TTC29: variants seen among roughly 807,000 people sequenced by gnomAD.
TTC29 encodes tetratricopeptide repeat domain 29, also known as tetratricopeptide repeat protein 29.
A neutral mutation model predicts 58.1 loss-of-function variants in TTC29; 49 were observed. The ratio of observed to expected loss-of-function variants is 0.84; its 90% confidence interval spans 0.67 to 1.07. The LOEUF is 1.07. Ranked by LOEUF, TTC29 falls within the 50% of genes least tolerant of loss-of-function variation. The pLI is 0.00. For synonymous variants in TTC29, 209 were observed against 196.8 expected (o/e 1.06, Z -0.52); for missense variants, 582 against 555.6 (o/e 1.05, Z -0.48).
At chr4:146,799,879 T>C (rs933748484) in intron 11 of TTC29, among the ~76,000 whole-genome samples, 2 of 152,196 alleles carry the variant, frequency 1.3e-5, no homozygotes, top group Non-Finnish European at 2.9e-5. Flanking sequence ...GTCTGAGATC[T>C]CCAAAAGGCC....
intron 9 of TTC29, among the ~76,000 whole-genome samples, chr4:146,830,914 T>G (rs1168829781): frequency 2.0e-5 from 3 of 152,220 alleles, no homozygotes; most frequent in Non-Finnish European, 2.9e-5. Context: ...TTAATAATGC[T>G]TTGCGCTATT....
intron 11 of TTC29, among the ~76,000 whole-genome samples, chr4:146,778,976 C>CAAAAAAAAAAAAA (rs369374851): frequency 1.7e-3 from 49 of 28,544 alleles, no homozygotes; most frequent in Admixed American, 2.5e-3. Flanking sequence ...CCTAAATAAG[C>CAAAAAAAAAAAAA]AAAAAAAAAA....
intron 8 of TTC29, among the ~76,000 whole-genome samples, chr4:146,849,311 T>C (rs1729367923): frequency 6.6e-6 from 1 of 152,084 alleles, no homozygotes; most frequent in African/African-American, 2.4e-5. Context: ...AGTGAATTGG[T>C]GAAGGAGAAA....
At chr4:146,802,753 A>G (rs1750322373) in intron 11 of TTC29, among the ~76,000 whole-genome samples, 1 of 152,202 alleles carries the variant, frequency 6.6e-6, no homozygotes. Context: ...TTTGATTTGC[A>G]CACAAATAAA....
chr4:146,748,368 G>A (rs1745703871), intron 11 of TTC29, among the ~76,000 whole-genome samples: 1 of 152,122 alleles, frequency 6.6e-6, no homozygotes, highest in African/African-American at 2.4e-5. Context: ...AGTTCCAGAT[G>A]CTACAGTAGT....
At chr4:146,740,529 C>T (rs1289724166) in intron 11 of TTC29, among the ~76,000 whole-genome samples, 1 of 151,814 alleles carries the variant, frequency 6.6e-6, no homozygotes, top group African/African-American at 2.4e-5. Context: ...ATGTTTTGCC[C>T]ACCACTCTCC....
At chr4:146,707,219 T>C (rs752139253) in intron 12 of TTC29, 31 bp from the exon 13 acceptor site, 46 of 1,384,852 alleles carry the variant, frequency 3.3e-5, no homozygotes, top group Non-Finnish European at 1.8e-5. Flanking sequence ...AATTTAACTT[T>C]TATACTGGGC....
At chr4:146,728,914 T>A (rs1251925637) in intron 11 of TTC29, among the ~76,000 whole-genome samples, 1 of 148,246 alleles carries the variant, frequency 6.7e-6, no homozygotes, top group African/African-American at 2.5e-5. Context: ...TATGTACGTA[T>A]CTGTCTAGAT....
At chr4:146,916,232 A>G (rs1734213146) in intron 4 of TTC29, among the ~76,000 whole-genome samples, 2 of 151,772 alleles carry the variant, frequency 1.3e-5, no homozygotes, top group South Asian at 4.1e-4. Context: ...ACTAACTGAT[A>G]AAAATTATAT....
Position 146,903,679 on chromosome 4 carries a change from T to G in TTC29, c.451A>C (p.Asn151His). Residue 151 changes from asparagine to histidine, a missense_variant, in exon 6 of 13, where the codon AAT becomes CAT. By Grantham distance (68) the Asn-to-His change is moderately conservative. Coordinates refer to ENST00000325106, the MANE Select transcript of TTC29 (RefSeq NM_031956.4). ...NNLYALACYF[N>H]NSEDKWVRNH... ...CTTACCCACTTGTCTTCAGAATTAT[T>G]GAAGTAACAGGCCAGAGCATACAAG... 4.3e-6 allele frequency: 7 copies of G among 1,612,706 alleles called. No individual in the cohort carries two copies. Among genetic ancestry groups the G allele is most frequent in the Non-Finnish European group, 4.2e-6 (5 of 1,179,334 alleles).
rs1579787537 is a variant in TTC29, at chr4:146,833,845, A to C, written c.938T>G (p.Leu313Arg). The change falls in exon 9 of 13, where the codon CTG (leucine) becomes CGG (arginine). Residue 313 changes from leucine (L) to arginine (R), a missense_variant. Coordinates refer to ENST00000325106, the MANE Select transcript of TTC29 (RefSeq NM_031956.4). ...GGCTATGGCTTCATAGCCTCTCCCC[A>C]GACTGAGATCATCATCCAGGTCTGT... The part of the protein sequence containing the change: ...ISTDLDDDLS[L>R]GRGYEAIAKV... 1 of 1,613,384 alleles carries C rather than the reference A, an allele frequency of 6.2e-7. No individual in the cohort carries two copies. Among genetic ancestry groups the C allele is most frequent in the Non-Finnish European group, 8.5e-7 (1 of 1,179,522 alleles).
intron 4 of TTC29, among the ~76,000 whole-genome samples, chr4:146,927,080 C>CAAAAAA (rs55786171): frequency 1.3e-4 from 14 of 110,086 alleles, no homozygotes; most frequent in East Asian, 2.6e-4. Flanking sequence ...GACCCCATCT[C>CAAAAAA]AAAAAAAAAA....
intron 10 of TTC29, among the ~76,000 whole-genome samples, chr4:146,815,152 G>C (rs1182039061): frequency 1.3e-5 from 2 of 152,094 alleles, no homozygotes; most frequent in Non-Finnish European, 2.9e-5. Context: ...TTATGCGGGG[G>C]TGGGAGGGAA....
chr4:146,875,546 G>A (rs1731201747), intron 6 of TTC29, among the ~76,000 whole-genome samples: 1 of 151,990 alleles, frequency 6.6e-6, no homozygotes. Context: ...GTGCAGTGGT[G>A]CAATCACAGC....
chr4:146,932,293 C>T (rs1176735813), intron 4 of TTC29, among the ~76,000 whole-genome samples: 1 of 152,202 alleles, frequency 6.6e-6, no homozygotes, highest in Non-Finnish European at 1.5e-5. Context: ...ATCTCTGTCT[C>T]ATCTGGAGAT....
At chr4:146,839,647 T>C (rs1044321774) in intron 8 of TTC29, among the ~76,000 whole-genome samples, 4 of 151,592 alleles carry the variant, frequency 2.6e-5, no homozygotes, top group Admixed American at 6.6e-5. Flanking sequence ...AAAAATTCCA[T>C]CATACAAGGA....
At chr4:146,870,332 C>A (rs946705547) in intron 7 of TTC29, among the ~76,000 whole-genome samples, 1 of 151,652 alleles carries the variant, frequency 6.6e-6, no homozygotes, top group Non-Finnish European at 1.5e-5. Context: ...CACAACAAAC[C>A]AAAATGTATG....
chr4:146,793,612 A>C (rs1038093806), intron 11 of TTC29, among the ~76,000 whole-genome samples: 6 of 152,074 alleles, frequency 3.9e-5, no homozygotes, highest in Non-Finnish European at 8.8e-5. Flanking sequence ...TGAACCCACA[A>C]TATCTCCAAG....
At chr4:146,814,656 G>A (rs1751266540) in intron 10 of TTC29, among the ~76,000 whole-genome samples, 1 of 150,766 alleles carries the variant, frequency 6.6e-6, no homozygotes, top group Middle Eastern at 3.4e-3. Flanking sequence ...AACCCGGGAG[G>A]CGGAGGTTGC....
Sources: allele counts gnomAD v4.1 joint callset (sites outside exome capture counted in the v4.1 genomes callset), GRCh38; gene constraint gnomAD v4.1.1; transcripts MANE v1.5; gene names NCBI Gene and HGNC (gene_info 2026-07-23, HGNC 2026-07-21).